Variants in MSANTD3 observed in about 807,000 individuals in gnomAD.
MSANTD3 encodes Myb/SANT DNA binding domain containing 3, also known as myb/SANT-like DNA-binding domain-containing protein 3.
Under a neutral mutation model 27.7 loss-of-function variants are expected in MSANTD3, and 11 were observed. The ratio of observed to expected loss-of-function variants is 0.40; its 90% CI spans 0.25 to 0.66. The LOEUF (loss-of-function observed/expected upper bound fraction) is 0.66, where lower values mean the gene tolerates loss of function less well. Ranked by LOEUF, MSANTD3 falls within the 30% of genes least tolerant of loss-of-function variation. MSANTD3 has a pLI of 0.41. For missense variants in MSANTD3, 250 were observed against 336.5 expected (o/e 0.74, Z 2.01); for synonymous variants, 131 against 127.2 (o/e 1.03, Z -0.20).
intron 1 of MSANTD3, among the ~76,000 whole-genome samples, chr9:100,435,841 C>T (rs987222975): frequency 6.6e-6 from 1 of 152,220 alleles, no homozygotes; most frequent in African/African-American, 2.4e-5. Context: ...TCCCCAAATA[C>T]AACCACTAGG....
At chr9:100,439,653 G>C (rs951232014) in intron 1 of MSANTD3, among the ~76,000 whole-genome samples, 3 of 151,888 alleles carry the variant, frequency 2.0e-5, no homozygotes, top group Non-Finnish European at 4.4e-5. Flanking sequence ...GGGACTACAG[G>C]CGTCTGCCAC....
At chr9:100,438,678 C>T (rs1316806043) in intron 1 of MSANTD3, among the ~76,000 whole-genome samples, 2 of 152,066 alleles carry the variant, frequency 1.3e-5, no homozygotes, top group Non-Finnish European at 2.9e-5. Flanking sequence ...TATTGATTTC[C>T]TAACAAAAAC....
chr9:100,443,948 G>A (rs1836692453), intron 2 of MSANTD3, among the ~76,000 whole-genome samples: 1 of 152,190 alleles, frequency 6.6e-6, no homozygotes. Flanking sequence ...CTTGCAGAAT[G>A]GGAAATTCAA....
At chr9:100,445,497 A>G (rs1836733116) in intron 2 of MSANTD3, among the ~76,000 whole-genome samples, 1 of 152,242 alleles carries the variant, frequency 6.6e-6, no homozygotes, top group Admixed American at 6.5e-5. Flanking sequence ...ACATGTTGAA[A>G]CAATAATATT....
chr9:100,440,242 G>A (rs1020752472), intron 1 of MSANTD3, among the ~76,000 whole-genome samples: 70 of 152,274 alleles, frequency 4.6e-4, no homozygotes, highest in South Asian at 6.2e-4. Context: ...GCAAGAGGCC[G>A]AGAAACAGCT....
In MSANTD3 at chr9:100,440,483, A is replaced by G. The variant is rs545875567; in HGVS notation, c.-33-1423A>G. 1.1e-3 allele frequency among the ~76,000 whole-genome samples: 170 copies of G among 152,288 alleles called. 1 individual carries two copies. The Middle Eastern group carries it at 0.02, about 18-fold the overall frequency. On this transcript the variant is annotated intron_variant, in intron 1 of 2. Coordinates refer to ENST00000395067, the MANE Select transcript of MSANTD3 (RefSeq NM_080655.3). ...TTGTTTACTTAGGATTTTAAAAAACAGCCCGCATACCTGAAGGATCACAGA... is the reference window on the plus strand; with the variant it reads ...TTGTTTACTTAGGATTTTAAAAAACGGCCCGCATACCTGAAGGATCACAGA...
intron 2 of MSANTD3, among the ~76,000 whole-genome samples, chr9:100,445,446 T>TA (rs1372495169): frequency 6.6e-6 from 1 of 152,192 alleles, no homozygotes; most frequent in Non-Finnish European, 1.5e-5. Context: ...ACTTAGTACC[T>TA]AAAAATGTAA....
In MSANTD3 at chr9:100,430,845, G is replaced by A. The variant is rs1836360301; in HGVS notation, c.-34+3452G>A. Among the ~76,000 whole-genome samples, 3 of 152,198 alleles carry A rather than the reference G, an allele frequency of 2.0e-5. No homozygotes were observed. In the South Asian group the frequency reaches 6.2e-4, roughly 31 times the overall value. Reference sequence around the variant, plus strand: ...TGGTGTATGGGGAATAATTAGTTTGGTTTTGGCTATGGAGAGTTGGAGTTT... The same window carrying A: ...TGGTGTATGGGGAATAATTAGTTTGATTTTGGCTATGGAGAGTTGGAGTTT... On this transcript the variant is annotated intron_variant, in intron 1 of 2. Transcript: ENST00000395067.
chr9:100,450,848 A>G lies in MSANTD3; in HGVS notation c.710A>G (p.His237Arg). The G allele has an allele frequency of 1.2e-6, 2 of 1,614,198 alleles. No homozygotes were observed. The highest frequency in any genetic ancestry group is 2.2e-5 in the South Asian group (2 of 91,080). ...ERECEMAEEEHRIKMEVLNKK... is the reference protein window; with the variant it reads ...ERECEMAEEERRIKMEVLNKK... ...GAGTGTGAGATGGCAGAGGAGGAAC[A>G]CAGGATAAAAATGGAAGTTCTCAAT... The change falls in exon 3 of 3, where the codon CAC becomes CGC. Residue 237 changes from histidine (H) to arginine (R), a missense_variant. His to Arg is a conservative substitution (Grantham distance 29). Transcript: ENST00000395067.
At chr9:100,432,963 G>A (rs944265905) in intron 1 of MSANTD3, among the ~76,000 whole-genome samples, 1 of 152,198 alleles carries the variant, frequency 6.6e-6, no homozygotes, top group Non-Finnish European at 1.5e-5. Context: ...ATTTAGAGAC[G>A]AGGAATTGAC....
rs1268568808 is a variant in MSANTD3 at position 100,445,311 on chromosome 9, T to A, written c.418+2955T>A. 6 of 898,926 alleles carry A rather than the reference T, an allele frequency of 6.7e-6. No individual in the cohort carries two copies. In the African/African-American group the frequency reaches 9.9e-5, roughly 15 times the overall value. 55.7% of individuals were successfully genotyped at this position (898,926 alleles called of 1,614,324 possible). ...TGACATAAGGAATGTGTGTGTGTGA[T>A]CTTTCTATTTCTAACACTGTGCTGT... On this transcript the variant is annotated intron_variant, in intron 2 of 2. Coordinates refer to ENST00000395067, the MANE Select transcript of MSANTD3 (RefSeq NM_080655.3).
chr9:100,442,938 CT>C, intron 2 of MSANTD3, among the ~76,000 whole-genome samples: 1 of 151,770 alleles, frequency 6.6e-6, no homozygotes, highest in Non-Finnish European at 1.5e-5. Flanking sequence ...TAATGGAGTT[CT>C]TATTAGTGAG....
chr9:100,438,565 G>A (rs1040990582), intron 1 of MSANTD3, among the ~76,000 whole-genome samples: 5 of 152,112 alleles, frequency 3.3e-5, no homozygotes, highest in Non-Finnish European at 5.9e-5. Flanking sequence ...CTTAGAAGTG[G>A]GGAAAGTTGG....
chr9:100,435,115 C>T (rs144378167), intron 1 of MSANTD3, among the ~76,000 whole-genome samples: 2 of 152,090 alleles, frequency 1.3e-5, no homozygotes, highest in Non-Finnish European at 2.9e-5. Flanking sequence ...AGGACTTTTG[C>T]GCAGAGGGAA....
rs1418442781 is a variant in MSANTD3, at chr9:100,451,200, A to G, written c.*234A>G. 1.4e-5 allele frequency: 6 copies of G among 427,558 alleles called. No homozygotes were observed. The highest frequency in any genetic ancestry group is 2.1e-5 in the Non-Finnish European group (5 of 243,416). The allele number at this position is 427,558 out of a possible 1,614,324, so 26.5% of individuals were successfully genotyped here. On this transcript the variant is annotated 3_prime_UTR_variant, in exon 3 of 3. Transcript: ENST00000395067. Reference sequence around the variant, plus strand: ...CACTATGAGTGCTATAATTCTGAATATAATGTCTCTTAATTAGAATTCATA... The same window carrying G: ...CACTATGAGTGCTATAATTCTGAATGTAATGTCTCTTAATTAGAATTCATA...
intron 1 of MSANTD3, among the ~76,000 whole-genome samples, chr9:100,434,895 G>C (rs1392029042): frequency 1.3e-5 from 2 of 152,042 alleles, no homozygotes; most frequent in Admixed American, 6.6e-5. Flanking sequence ...TTTGGCAGGA[G>C]TTCATTACAT....
rs557972525 is a variant in MSANTD3, at chr9:100,437,704, G to C, written c.-33-4202G>C. On this transcript the variant is annotated intron_variant, in intron 1 of 2. Coordinates refer to ENST00000395067, the MANE Select transcript of MSANTD3 (RefSeq NM_080655.3). Reference sequence around the variant, plus strand: ...TGATTAAATAACAGTTTAGTTAATAGGCTATTAATGGTCCCCAGGTGTTGG... The same window carrying C: ...TGATTAAATAACAGTTTAGTTAATACGCTATTAATGGTCCCCAGGTGTTGG... 8.5e-5 allele frequency among the ~76,000 whole-genome samples: 13 copies of C among 152,282 alleles called. No individual in the cohort carries two copies. In the South Asian group the frequency reaches 2.7e-3, roughly 32 times the overall value.
At chr9:100,443,892 C>T (rs1347724958) in intron 2 of MSANTD3, among the ~76,000 whole-genome samples, 1 of 152,152 alleles carries the variant, frequency 6.6e-6, no homozygotes. Context: ...TCATAAGGTG[C>T]TTCAAGGACC....
chr9:100,438,605 G>T (rs1440898955), intron 1 of MSANTD3, among the ~76,000 whole-genome samples: 1 of 152,144 alleles, frequency 6.6e-6, no homozygotes, highest in African/African-American at 2.4e-5. Context: ...GAGACATTGA[G>T]GTTAGGGAAT....
Sources: allele counts gnomAD v4.1 joint callset (sites outside exome capture counted in the v4.1 genomes callset), GRCh38; gene constraint gnomAD v4.1.1; transcripts MANE v1.5; gene names NCBI Gene and HGNC (gene_info 2026-07-23, HGNC 2026-07-21).